Variants in NFASC observed in about 807,000 individuals in gnomAD.
The protein encoded by NFASC is neurofascin homolog.
Under a neutral mutation model 147.5 loss-of-function variants are expected in NFASC, and 43 were observed. That is an observed-to-expected ratio of 0.29 (90% CI 0.23 to 0.38). NFASC has a LOEUF of 0.38. Ranked by LOEUF, NFASC falls within the 10% of genes least tolerant of loss-of-function variation. NFASC has a pLI of 1.00. For synonymous variants in NFASC, 622 were observed against 665.5 expected, an observed-to-expected ratio of 0.93 and a Z score of 1.01; for missense variants, 1,320 against 1,689.0, an observed-to-expected ratio of 0.78 and a Z score of 3.83.
chr1:204,948,762 A>G (rs1467939909), intron 3 of NFASC: 2 of 516,634 alleles, frequency 3.9e-6, no homozygotes, highest in African/African-American at 3.9e-5. Context: ...TCTATAAAAG[A>G]GAGGCTTGAA....
chr1:205,008,808 C>CGG (rs59354456), intron 27 of NFASC: 6,496 of 153,318 alleles, frequency 0.042, 246 homozygotes, highest in African/African-American at 0.1. Flanking sequence ...CACAGACCAC[C>CGG]GGGGGGGTCA....
In NFASC at chr1:204,986,831, C is replaced by G. The variant is rs1464517525; in HGVS notation, c.2471-587C>G. 1 of 154,926 alleles carries G rather than the reference C, an allele frequency of 6.5e-6. No homozygotes were observed. The highest frequency in any genetic ancestry group is 1.9e-4 in the East Asian group (1 of 5,242). 9.6% of individuals were successfully genotyped at this position (154,926 alleles called of 1,614,324 possible). A position where few individuals can be genotyped will look rare whatever the true frequency, so the allele number is the denominator to read the frequency against. On this transcript the variant is annotated intron_variant, in intron 21 of 29. Transcript: ENST00000339876. This position sits in a 1 kb window ranked among gnomAD's most constrained non-coding sequence, Gnocchi z 4.2. Reference sequence around the variant, plus strand: ...TCTTCCTCCTGTCCTCTGTTCTTCCCTCTTGTTCTCTTTATCCCTGTCTTT... The same window carrying G: ...TCTTCCTCCTGTCCTCTGTTCTTCCGTCTTGTTCTCTTTATCCCTGTCTTT...
At chr1:204,957,630 G>C in intron 7 of NFASC, 26 bp from the exon 8 acceptor site, 1 of 1,611,610 alleles carries the variant, frequency 6.2e-7, no homozygotes, top group South Asian at 1.1e-5. Flanking sequence ...CTACTAACCT[G>C]CTGCCGTACC....
At chr1:204,889,182 A>C (rs1408613097) in intron 1 of NFASC, among the ~76,000 whole-genome samples, 1 of 152,250 alleles carries the variant, frequency 6.6e-6, no homozygotes, top group Non-Finnish European at 1.5e-5. Flanking sequence ...AACCAAAACT[A>C]TTATTTTTTA....
chr1:204,831,744 G>C lies in NFASC; in HGVS notation c.-200+2962G>C, dbSNP rs369218993. ...TGGGGAGGGGAGAAGTGAGAGGAAC[G>C]TAAGGCCGGTTTCATACTTACTCAT... On this transcript the variant is annotated intron_variant, in intron 1 of 29. Coordinates refer to ENST00000339876, the MANE Select transcript of NFASC (RefSeq NM_001005388.3). 1.8e-4 allele frequency among the ~76,000 whole-genome samples: 28 copies of C among 152,110 alleles called. 1 individual carries two copies. Among genetic ancestry groups the C allele is most frequent in the African/African-American group, 6.8e-4 (28 of 41,480 alleles).
At chr1:204,913,618 T>C (rs1362475577) in intron 1 of NFASC, among the ~76,000 whole-genome samples, 1 of 152,202 alleles carries the variant, frequency 6.6e-6, no homozygotes, top group Non-Finnish European at 1.5e-5. Flanking sequence ...TATATACAGT[T>C]AGATCCCTTC....
intron 1 of NFASC, among the ~76,000 whole-genome samples, chr1:204,887,897 C>T (rs909679299): frequency 1.3e-5 from 2 of 152,010 alleles, no homozygotes; most frequent in African/African-American, 2.4e-5. Context: ...CATACCTGGC[C>T]CCTGATTGGC....
In NFASC at chr1:204,890,331, A is replaced by G. The variant is rs2082129085; in HGVS notation, c.-199-30301A>G. Among the ~76,000 whole-genome samples the G allele has an allele frequency of 2.6e-5, 4 of 152,128 alleles. No individual in the cohort carries two copies. The South Asian group carries it at 8.3e-4, about 32-fold the overall frequency. On this transcript the variant is annotated intron_variant, in intron 1 of 29. Coordinates refer to ENST00000339876, the MANE Select transcript of NFASC (RefSeq NM_001005388.3). The stretch of plus-strand genomic sequence containing the variant: ...CATGCCTGCCCAGAGCCCCCATGTG[A>G]TTGAGGGATCCAGACGGCACTATGT...
chr1:204,984,359 G>GTA, intron 21 of NFASC: 1 of 155,554 alleles, frequency 6.4e-6, no homozygotes. Context: ...ATATATATAT[G>GTA]TGTGTGTGTG....
chr1:204,947,937 CCCTCACATAT>C (rs1478533460), intron 3 of NFASC, among the ~76,000 whole-genome samples: 4 of 151,986 alleles, frequency 2.6e-5, no homozygotes, highest in African/African-American at 7.3e-5. Context: ...CACACTCACA[CCCTCACATAT>C]CCTCACATGC....
rs1335493740 is a variant in NFASC, at chr1:205,021,845, T to G, written c.*5306T>G. ...TGTGTGGTTCACCCAGTCATGCAAT[T>G]AAGGGCAGATCTGGGCCAGTGGAAT... On this transcript the variant is annotated 3_prime_UTR_variant, in exon 30 of 30. Coordinates refer to ENST00000339876, the MANE Select transcript of NFASC (RefSeq NM_001005388.3). 1.3e-5 allele frequency: 2 copies of G among 152,798 alleles called. No individual in the cohort carries two copies. The highest frequency in any genetic ancestry group is 2.9e-5 in the Non-Finnish European group (2 of 68,064). 9.5% of individuals were successfully genotyped at this position (152,798 alleles called of 1,614,324 possible).
intron 2 of NFASC, among the ~76,000 whole-genome samples, chr1:204,943,465 C>A (rs950522657): frequency 1.3e-5 from 2 of 152,198 alleles, no homozygotes; most frequent in African/African-American, 4.8e-5. Flanking sequence ...CCACCTGAAG[C>A]CCGCTTCTTC....
intron 2 of NFASC, among the ~76,000 whole-genome samples, chr1:204,940,643 G>A (rs1905254): frequency 0.2 from 29,685 of 152,056 alleles, 4,343 homozygotes; most frequent in African/African-American, 0.42. Context: ...TTTTGTCTCA[G>A]TGTATGTATC....
chr1:204,937,817 C>CAG (rs2092999221), intron 2 of NFASC, among the ~76,000 whole-genome samples: 1 of 152,344 alleles, frequency 6.6e-6, no homozygotes, highest in African/African-American at 2.4e-5. Context: ...TTTGGTTCAA[C>CAG]ATATATTTAC....
intron 8 of NFASC, chr1:204,967,958 AGCCCCTCCCC>A: frequency 2.6e-5 from 7 of 272,130 alleles, no homozygotes; most frequent in Admixed American, 5.2e-5. Flanking sequence ...CTGCTCAGAC[AGCCCCTCCCC>A]GTTCCAGGGA....
chr1:204,898,519 G>C lies in NFASC; in HGVS notation c.-199-22113G>C, dbSNP rs189553902. On this transcript the variant is annotated intron_variant, in intron 1 of 29. Coordinates refer to ENST00000339876, the MANE Select transcript of NFASC (RefSeq NM_001005388.3). The stretch of plus-strand genomic sequence containing the variant: ...ACTTTTTATTTTTCTTATCATTAAA[G>C]TGTAAGAGGAAGCATGAAGCAATGG... Among the ~76,000 whole-genome samples the C allele has an allele frequency of 7.7e-4, 118 of 152,340 alleles. 1 individual carries two copies. The highest frequency in any genetic ancestry group is 5.0e-3 in the South Asian group (24 of 4,822).
intron 5 of NFASC, among the ~76,000 whole-genome samples, chr1:204,952,925 G>A (rs1348914365): frequency 1.3e-5 from 2 of 152,178 alleles, no homozygotes; most frequent in Non-Finnish European, 2.9e-5. Context: ...GGCCTCCTGG[G>A]TTCACACAAG....
rs1000859173 is a variant in NFASC at position 204,986,079 on chromosome 1, G to A, written c.2471-1339G>A. The A allele has an allele frequency of 1.1e-5, 17 of 1,614,150 alleles. No homozygotes were observed. The highest frequency in any genetic ancestry group is 4.5e-5 in the East Asian group (2 of 44,880). On this transcript the variant is annotated intron_variant, in intron 21 of 29. Coordinates refer to ENST00000339876, the MANE Select transcript of NFASC (RefSeq NM_001005388.3). This position sits in a 1 kb window ranked among gnomAD's most constrained non-coding sequence, Gnocchi z 4.2. ...GTCAATGGGAGAGGTGATGGGCCTC[G>A]CAGTGAGACCAAGGAGTTCACCACC...
Position 204,975,207 on chromosome 1 carries a change from G to A in NFASC, c.1559-64G>A, listed in dbSNP as rs2095369659. On this transcript the variant is annotated intron_variant, in intron 14 of 29. Coordinates refer to ENST00000339876, the MANE Select transcript of NFASC (RefSeq NM_001005388.3). This position sits in a 1 kb window ranked among gnomAD's most constrained non-coding sequence, Gnocchi z 4.0. ...CTCGAGGGCAGACATATGCCACTTT[G>A]TGGCCGCATGGGGATGCTGGGCAGA... The A allele has an allele frequency of 1.9e-6, 3 of 1,542,450 alleles. No individual in the cohort carries two copies. Among genetic ancestry groups the A allele is most frequent in the Admixed American group, 1.9e-5 (1 of 51,294 alleles).
Sources: gnomAD v4.1 joint callset for allele counts (sites outside exome capture counted in the v4.1 genomes callset) on GRCh38, gnomAD v4.1.1 for gene constraint, Gnocchi (gnomAD v3.1) non-coding constraint, MANE v1.5 for transcripts, NCBI Gene and HGNC (gene_info 2026-07-23, HGNC 2026-07-21) for gene names.